The following SPEF2 variants were observed in gnomAD, a reference collection of about 807,000 sequenced individuals.
SPEF2 encodes sperm flagella and cilia-associated protein 2.
SPEF2 carries 187 observed loss-of-function variants against 224.6 expected under a neutral mutation model. The observed-to-expected ratio is 0.83, with a 90% CI of 0.74 to 0.94. The LOEUF is 0.94. Ranked by LOEUF, SPEF2 falls within the 40% of genes least tolerant of loss-of-function variation. The pLI is 0.00. For synonymous variants in SPEF2, 715 were observed against 707.3 expected (o/e 1.01, Z -0.17); for missense variants, 2,170 against 2,135.6 (o/e 1.02, Z -0.32).
At position 35,694,270 on chromosome 5, in the gene SPEF2, T is replaced by G; in HGVS notation, c.1900-18T>G. 1 of 1,608,362 alleles carries G rather than the reference T, an allele frequency of 6.2e-7. No individual in the cohort carries two copies. The highest frequency in any genetic ancestry group is 8.5e-7 in the Non-Finnish European group (1 of 1,175,538). On this transcript the variant is annotated intron_variant, in intron 12 of 36. Coordinates refer to ENST00000356031, the MANE Select transcript of SPEF2 (RefSeq NM_024867.4). ...AGCAATGGTAAAATCCCTCCCTATG[T>G]GTGTTTTCTCTCCAAAGGATCCACA... is the stretch of plus-strand genomic sequence containing the variant.
At chr5:35,780,345 A>G (rs2149802112) in intron 30 of SPEF2, among the ~76,000 whole-genome samples, 1 of 152,328 alleles carries the variant, frequency 6.6e-6, no homozygotes, top group Middle Eastern at 3.4e-3. Flanking sequence ...CTTCCTTGCC[A>G]AGCCCAATAG....
chr5:35,650,256 A>G (rs1747990479), intron 6 of SPEF2, among the ~76,000 whole-genome samples: 2 of 152,152 alleles, frequency 1.3e-5, no homozygotes, highest in Admixed American at 1.3e-4. Context: ...AAAGAAAATT[A>G]AGCAAAATGG....
chr5:35,732,620 G>T (rs890497801), intron 21 of SPEF2, among the ~76,000 whole-genome samples: 1 of 152,090 alleles, frequency 6.6e-6, no homozygotes, highest in African/African-American at 2.4e-5. Context: ...TGATAAAACT[G>T]GGTTCAAATG....
chr5:35,668,202 T>G (rs1289142545), intron 9 of SPEF2, among the ~76,000 whole-genome samples: 1 of 152,168 alleles, frequency 6.6e-6, no homozygotes, highest in Non-Finnish European at 1.5e-5. Flanking sequence ...CACAAAAACC[T>G]GTATACAAAT....
At chr5:35,649,766 A>G (rs189102190) in intron 6 of SPEF2, among the ~76,000 whole-genome samples, 202 of 152,306 alleles carry the variant, frequency 1.3e-3, no homozygotes, top group African/African-American at 4.6e-3. Context: ...CCTTTATTAG[A>G]TTCTAGTTTG....
intron 27 of SPEF2, among the ~76,000 whole-genome samples, chr5:35,772,505 G>A (rs745552311): frequency 1.3e-5 from 2 of 152,128 alleles, no homozygotes; most frequent in African/African-American, 4.8e-5. Flanking sequence ...GATAGGGGAG[G>A]TACAAGTACC....
At position 35,740,035 on chromosome 5, in the gene SPEF2, A is replaced by G. The variant is rs1215799704; in HGVS notation, c.3180A>G (p.Leu1060=). 1.9e-6 allele frequency: 3 copies of G among 1,614,038 alleles called. No homozygotes were observed. Among genetic ancestry groups the G allele is most frequent in the Admixed American group, 1.7e-5 (1 of 60,014 alleles). The change falls in exon 22 of 37, where the codon TTA becomes TTG. Residue 1060 remains leucine, a synonymous_variant. Coordinates refer to ENST00000356031, the MANE Select transcript of SPEF2 (RefSeq NM_024867.4). ...REDQHTVLAY[L]YEIRTSFQEF... Reference sequence around the variant, plus strand: ...ACCAGCATACTGTGCTTGCTTACTTATATGAGATTAGGTAAGTAATGTTTC... The same window carrying G: ...ACCAGCATACTGTGCTTGCTTACTTGTATGAGATTAGGTAAGTAATGTTTC...
At chr5:35,674,335 T>G (rs1411555213) in intron 10 of SPEF2, among the ~76,000 whole-genome samples, 2 of 120,666 alleles carry the variant, frequency 1.7e-5, no homozygotes, top group Non-Finnish European at 3.5e-5. Flanking sequence ...TCTTTTCGTC[T>G]TCTTTTTTTT....
At chr5:35,627,951 G>A (rs1269657600) in intron 1 of SPEF2, among the ~76,000 whole-genome samples, 6 of 152,114 alleles carry the variant, frequency 3.9e-5, no homozygotes, top group African/African-American at 1.4e-4. Flanking sequence ...GGAGAAGTTC[G>A]ATTATGTTCA....
intron 8 of SPEF2, among the ~76,000 whole-genome samples, chr5:35,666,103 AG>A (rs1380561602): frequency 6.6e-6 from 1 of 152,178 alleles, no homozygotes; most frequent in Non-Finnish European, 1.5e-5. Context: ...GACTTGCCCA[AG>A]GTCTCACAGC....
At chr5:35,784,251 C>T (rs1172541044) in intron 30 of SPEF2, among the ~76,000 whole-genome samples, 2 of 151,946 alleles carry the variant, frequency 1.3e-5, no homozygotes, top group East Asian at 1.9e-4. Flanking sequence ...CCTCAGCCTC[C>T]GGAGTAGCTG....
intron 26 of SPEF2, among the ~76,000 whole-genome samples, chr5:35,766,077 A>T (rs1351946564): frequency 1.3e-5 from 2 of 152,096 alleles, no homozygotes; most frequent in African/African-American, 4.8e-5. Context: ...AATGAAAGTG[A>T]GTGAGTTCTG....
chr5:35,771,511 GATT>G, intron 26 of SPEF2, 95 bp from the exon 27 acceptor site: 1 of 1,446,390 alleles, frequency 6.9e-7, no homozygotes, highest in South Asian at 1.5e-5. Flanking sequence ...GTTTACAGTG[GATT>G]AAGGTTTCAA....
chr5:35,636,776 A>T (rs1745884355), intron 2 of SPEF2, among the ~76,000 whole-genome samples: 1 of 151,972 alleles, frequency 6.6e-6, no homozygotes. Context: ...AGAGTTTGAG[A>T]TGAGCCTGGC....
chr5:35,709,402 T>C, intron 19 of SPEF2: 1 of 1,179,092 alleles, frequency 8.5e-7, no homozygotes, highest in Non-Finnish European at 1.0e-6. Flanking sequence ...AGGCACAGAG[T>C]AACAGGTAAC....
chr5:35,751,025 G>GTATATA lies in SPEF2; in HGVS notation c.3331-2594_3331-2589dup, dbSNP rs1229060564. ...TATATATATATACGTATATATATAC[G>GTATATA]TATATATATACACATATGTATATAT... On this transcript the variant is annotated intron_variant, in intron 23 of 36. Coordinates refer to ENST00000356031, the MANE Select transcript of SPEF2 (RefSeq NM_024867.4). Among the ~76,000 whole-genome samples, 499 of 68,614 alleles carry GTATATA rather than the reference G, an allele frequency of 7.3e-3. 17 individuals carry two copies. The highest frequency in any genetic ancestry group is 0.01 in the South Asian group (21 of 2,068). The allele number at this position is 68,614 out of a possible 152,430, so 45.0% of individuals were successfully genotyped here. A position where few individuals can be genotyped will look rare whatever the true frequency, so the allele number is the denominator to read the frequency against.
intron 30 of SPEF2, among the ~76,000 whole-genome samples, chr5:35,780,639 T>C (rs1754207265): frequency 6.6e-6 from 1 of 152,192 alleles, no homozygotes. Context: ...CAATGCCCTG[T>C]TATTATGTAC....
At chr5:35,627,203 C>T (rs1179409056) in intron 1 of SPEF2, among the ~76,000 whole-genome samples, 1 of 151,526 alleles carries the variant, frequency 6.6e-6, no homozygotes, top group East Asian at 1.9e-4. Context: ...GTATATAATC[C>T]TTAAATATCA....
At chr5:35,781,428 T>G (rs1754323230) in intron 30 of SPEF2, 1 of 151,970 alleles carries the variant, frequency 6.6e-6, no homozygotes, top group Non-Finnish European at 1.5e-5. Context: ...ATGTTTACAG[T>G]TAGGGGAACA....
Sources: allele counts gnomAD v4.1 joint callset (sites outside exome capture counted in the v4.1 genomes callset), GRCh38; gene constraint gnomAD v4.1.1; transcripts MANE v1.5; gene names NCBI Gene and HGNC (gene_info 2026-07-23, HGNC 2026-07-21).